The following EPOR variants were observed in gnomAD, a reference collection of about 807,000 sequenced individuals.
EPOR encodes the protein erythropoietin receptor.
A neutral mutation model predicts 34.3 loss-of-function variants in EPOR; 20 were observed. The ratio of observed to expected loss-of-function variants is 0.58; its 90% CI spans 0.41 to 0.85. EPOR has a LOEUF of 0.85. EPOR is among the 40% of genes least tolerant of loss of function. The pLI, the probability that EPOR is intolerant of heterozygous loss-of-function variation, is 0.00. For missense variants in EPOR, 601 were observed against 672.7 expected, an observed-to-expected ratio of 0.89 and a Z score of 1.18; for synonymous variants, 312 against 299.0, an observed-to-expected ratio of 1.04 and a Z score of -0.45.
At position 11,378,415 on chromosome 19, in the gene EPOR, C is replaced by A. The variant is rs771507239; in HGVS notation, c.1096G>T (p.Asp366Tyr). 3.1e-6 allele frequency: 5 copies of A among 1,614,028 alleles called. No individual in the cohort carries two copies. Among genetic ancestry groups the A allele is most frequent in the Admixed American group, 3.3e-5 (2 of 60,014 alleles). ...LEPVGSEHAQ[D>Y]TYLVLDKWLL... The stretch of plus-strand genomic sequence containing the variant: ...CATTTGTCCAGCACCAGATAGGTAT[C>A]CTGGGCATGCTCACTGCCCACTGGC... The change falls in exon 8 of 8, where the codon GAT (aspartate) becomes TAT (tyrosine). Residue 366 changes from aspartate (D) to tyrosine (Y), a missense_variant. Physicochemically the swap from Asp to Tyr is radical, Grantham distance 160. Transcript: ENST00000222139. The surrounding 1 kb of genome is among the most constrained non-coding windows in gnomAD (Gnocchi z 5.3).
At position 11,381,619 on chromosome 19, in the gene EPOR, C is replaced by A. The variant is rs1054916047; in HGVS notation, c.585+73G>T. The A allele has an allele frequency of 4.0e-6, 6 of 1,496,230 alleles. No individual in the cohort carries two copies. In the African/African-American group the frequency reaches 8.3e-5, roughly 21 times the overall value. The allele number at this position is 1,496,230 out of a possible 1,614,324, so 92.7% of individuals were successfully genotyped here. On this transcript the variant is annotated intron_variant, in intron 4 of 7. Transcript: ENST00000222139. This position sits in a 1 kb window ranked among gnomAD's most constrained non-coding sequence, Gnocchi z 5.3. The stretch of plus-strand genomic sequence containing the variant: ...GACCGGCCCTGAAAGCGGCACCGGG[C>A]GCGACCTCGAGAGGCGTGGCTGGGC...
chr19:11,382,397 C>T (rs1183781285), intron 2 of EPOR, among the ~76,000 whole-genome samples: 3 of 142,488 alleles, frequency 2.1e-5, no homozygotes, highest in Non-Finnish European at 4.5e-5. Flanking sequence ...GAGTTTCGCT[C>T]TTGTTGCCCA....
Position 11,377,592 on chromosome 19 carries a change from C to A in EPOR, c.*392G>T. The A allele has an allele frequency of 2.2e-6, 1 of 458,952 alleles. No individual in the cohort carries two copies. The highest frequency in any genetic ancestry group is 2.3e-5 in the Admixed American group (1 of 42,704). The allele number at this position is 458,952 out of a possible 1,614,324, so 28.4% of individuals were successfully genotyped here. On this transcript the variant is annotated 3_prime_UTR_variant, in exon 8 of 8. Transcript: ENST00000222139. ...AGAGAAATCATTTAATGTGGTAAGCCAGTAAGATTTAAGAGCTGTTTAACA... is the reference window on the plus strand; with the variant it reads ...AGAGAAATCATTTAATGTGGTAAGCAAGTAAGATTTAAGAGCTGTTTAACA...
Position 11,381,138 on chromosome 19 carries a change from G to A in EPOR, c.657C>T (p.Ala219=), listed in dbSNP as rs61729384. 1 of 1,567,170 alleles carries A rather than the reference G, an allele frequency of 6.4e-7. No individual in the cohort carries two copies. The change falls in exon 5 of 8, where the codon GCC becomes GCT. Residue 219 remains alanine, a synonymous_variant. Transcript: ENST00000222139. This position sits in a 1 kb window ranked among gnomAD's most constrained non-coding sequence, Gnocchi z 5.3. ...NLRGRTRYTF[A]VRARMAEPSF... ...TCGGCTCAGCCATACGCGCGCGGAC[G>A]GCGAAGGTGTAGCGCGTCCGGCCCC...
chr19:11,383,555 G>C lies in EPOR; in HGVS notation c.116-323C>G, dbSNP rs1968394861. The C allele has an allele frequency of 6.5e-6, 2 of 305,990 alleles. No individual in the cohort carries two copies. Among genetic ancestry groups the C allele is most frequent in the Non-Finnish European group, 6.1e-6 (1 of 162,956 alleles). The allele number at this position is 305,990 out of a possible 1,614,324, so 19.0% of individuals were successfully genotyped here. ...CCCAGCCTAGGACACGCGCGCGGCT[G>C]GGGGTGTGTGCGGAGAGGCGGGCCC... On this transcript the variant is annotated intron_variant, in intron 1 of 7. Coordinates refer to ENST00000222139, the MANE Select transcript of EPOR (RefSeq NM_000121.4). This position sits in a 1 kb window ranked among gnomAD's most constrained non-coding sequence, Gnocchi z 4.9.
At chr19:11,380,237 G>T (rs1968337613) in intron 6 of EPOR, among the ~76,000 whole-genome samples, 1 of 152,114 alleles carries the variant, frequency 6.6e-6, no homozygotes, top group African/African-American at 2.4e-5. Context: ...AATATTTCTT[G>T]GGTCCCTTGT....
At chr19:11,382,955 C>T in intron 2 of EPOR, 142 bp downstream of exon 2, 1 of 1,564,974 alleles carries the variant, frequency 6.4e-7, no homozygotes, top group Non-Finnish European at 8.6e-7. Flanking sequence ...CAGCCCTGGA[C>T]CCGCAGGTTT....
intron 6 of EPOR, 48 bp downstream of exon 6, chr19:11,380,836 C>G: frequency 7.0e-7 from 1 of 1,427,508 alleles, no homozygotes; most frequent in East Asian, 2.5e-5. Flanking sequence ...TGAAAGAGGA[C>G]CGTTGGCGGG....
intron 2 of EPOR, 186 bp downstream of exon 2, chr19:11,382,911 G>A (rs1238063050): frequency 4.6e-6 from 7 of 1,532,878 alleles, no homozygotes; most frequent in East Asian, 4.9e-5. Context: ...GGTGATCGCG[G>A]GAGTGTTCGC....
At position 11,384,161 on chromosome 19, in the gene EPOR, C is replaced by A. The variant is rs1968403432; in HGVS notation, c.47G>T (p.Cys16Phe). ...ASLWPQVGSL[C>F]LLLAGAAWAP... ...CCAGGCGGCCCCAGCGAGCAGGAGA[C>A]AAAGGGAGCCGACCTGGGGCCAGAG... Residue 16 changes from cysteine (C) to phenylalanine (F), a missense_variant, in exon 1 of 8, where the codon TGT becomes TTT. Cys to Phe is a radical substitution (Grantham distance 205). Transcript: ENST00000222139. The A allele has an allele frequency of 1.3e-6, 2 of 1,549,894 alleles. No individual in the cohort carries two copies. The highest frequency in any genetic ancestry group is 3.9e-5 in the Admixed American group (2 of 50,968).
rs761066937 is a variant in EPOR, at chr19:11,377,967, A to T, written c.*17T>A. 1 of 1,613,838 alleles carries T rather than the reference A, an allele frequency of 6.2e-7. No homozygotes were observed. Among genetic ancestry groups the T allele is most frequent in the Non-Finnish European group, 8.5e-7 (1 of 1,179,996 alleles). ...TCTGAGTCATATTGGATCCCTGATCATCTGCAGCCTGGTGTCCTAAGAGCA... is the reference window on the plus strand; with the variant it reads ...TCTGAGTCATATTGGATCCCTGATCTTCTGCAGCCTGGTGTCCTAAGAGCA... On this transcript the variant is annotated 3_prime_UTR_variant, in exon 8 of 8. Transcript: ENST00000222139.
chr19:11,380,845 G>T, intron 6 of EPOR, 39 bp downstream of exon 6: 1 of 1,477,480 alleles, frequency 6.8e-7, no homozygotes, highest in South Asian at 1.2e-5. Context: ...ACCGTTGGCG[G>T]GGAGGAGTCT....
Position 11,378,610 on chromosome 19 carries a change from C to A in EPOR, c.916-15G>T. On this transcript the variant is annotated splice_polypyrimidine_tract_variant and intron_variant, in intron 7 of 7. Coordinates refer to ENST00000222139, the MANE Select transcript of EPOR (RefSeq NM_000121.4). This position sits in a 1 kb window ranked among gnomAD's most constrained non-coding sequence, Gnocchi z 5.3. The stretch of plus-strand genomic sequence containing the variant: ...TACAGCCACAGCTGAAGAAATAGCA[C>A]CAACCTGCTCAGAGAGGCCTGCAGT... The A allele has an allele frequency of 6.2e-7, 1 of 1,614,188 alleles. No individual in the cohort carries two copies. The highest frequency in any genetic ancestry group is 8.5e-7 in the Non-Finnish European group (1 of 1,180,032).
Position 11,383,264 on chromosome 19 carries a change from G to A in EPOR, c.116-32C>T, listed in dbSNP as rs1191931452. The A allele has an allele frequency of 6.4e-7, 1 of 1,559,224 alleles. No individual in the cohort carries two copies. The highest frequency in any genetic ancestry group is 8.6e-7 in the Non-Finnish European group (1 of 1,156,548). On this transcript the variant is annotated intron_variant, in intron 1 of 7. Transcript: ENST00000222139. This position sits in a 1 kb window ranked among gnomAD's most constrained non-coding sequence, Gnocchi z 4.9. ...AGGGGCGACAAAGGAAGGGCATGGG[G>A]GTCTGAGCTCTATCCTCGGGAGACA... is the stretch of plus-strand genomic sequence containing the variant.
At chr19:11,382,996 C>T (rs759896829) in intron 2 of EPOR, 101 bp downstream of exon 2, 39 of 1,599,470 alleles carry the variant, frequency 2.4e-5, no homozygotes, top group Non-Finnish European at 3.2e-5. Context: ...GAGGCGCCGT[C>T]GGGCCTCAAA....
rs370865377 is a variant in EPOR, at chr19:11,383,104, G to A, written c.244C>T (p.Gln82Ter). Reference protein sequence around the residue: ...VGPGNYSFSYQLEDEPWKLCR... With the variant: ...VGPGNYSFSY ...CCGCCGGATCGGACTCACTCGAGCT[G>A]GTAGGAGAAGCTGTAGTTGCCCGGG... is the stretch of plus-strand genomic sequence containing the variant. The change falls in exon 2 of 8, where the codon CAG becomes TAG. Residue 82 changes from glutamine (Q) to a stop codon, truncating the protein, a stop_gained. Transcript: ENST00000222139. LOFTEE classifies it high-confidence loss of function. This position sits in a 1 kb window ranked among gnomAD's most constrained non-coding sequence, Gnocchi z 4.9. 126 of 1,613,558 alleles carry A rather than the reference G, an allele frequency of 7.8e-5. No individual in the cohort carries two copies. Among genetic ancestry groups the A allele is most frequent in the Non-Finnish European group, 1.0e-4 (119 of 1,179,960 alleles).
In EPOR at chr19:11,380,916, C is replaced by T. The variant is rs1347324546; in HGVS notation, c.795G>A (p.Leu265=). 6.4e-7 allele frequency: 1 copy of T among 1,551,872 alleles called. No homozygotes were observed. Among genetic ancestry groups the T allele is most frequent in the Non-Finnish European group, 8.7e-7 (1 of 1,147,050 alleles). The change falls in exon 6 of 8, where the codon CTG becomes CTA. Residue 265 remains leucine (L), a synonymous_variant. Coordinates refer to ENST00000222139, the MANE Select transcript of EPOR (RefSeq NM_000121.4). ...GGGAGAGCAGCGCGAGCACGGTCAG[C>T]AGCACCAGGATGACCACGAGGATGA... ...LSLILVVILV[L]LTVLALLSHR...
In EPOR at chr19:11,378,470, C is replaced by A. The variant is rs138884102; in HGVS notation, c.1041G>T (p.Pro347=). ...RCWGTMQAVE[P]GTDDEGPLLE... ...GCAGGGGGCCCTCATCATCTGTCCC[C>A]GGCTCCACTGCCTGCATCGTCCCCC... The change falls in exon 8 of 8, where the codon CCG becomes CCT. Residue 347 remains proline (P), a synonymous_variant. Transcript: ENST00000222139. The surrounding 1 kb of genome is among the most constrained non-coding windows in gnomAD (Gnocchi z 5.3). The A allele has an allele frequency of 6.2e-7, 1 of 1,614,192 alleles. No individual in the cohort carries two copies. Among genetic ancestry groups the A allele is most frequent in the Non-Finnish European group, 8.5e-7 (1 of 1,180,030 alleles).
Position 11,382,026 on chromosome 19 carries a change from T to C in EPOR, c.331A>G (p.Thr111Ala). ...GGCACGAAGCTCGACGTGTCGGCTGTAGGCAGCGAACACCAGAAGCGCACC... is the reference window on the plus strand; with the variant it reads ...GGCACGAAGCTCGACGTGTCGGCTGCAGGCAGCGAACACCAGAAGCGCACC... ...GAVRFWCSLP[T>A]ADTSSFVPLE... The change falls in exon 3 of 8, where the codon ACA becomes GCA. Residue 111 changes from threonine (T) to alanine (A), a missense_variant. Coordinates refer to ENST00000222139, the MANE Select transcript of EPOR (RefSeq NM_000121.4). 2 of 1,614,130 alleles carry C rather than the reference T, an allele frequency of 1.2e-6. No homozygotes were observed. Among genetic ancestry groups the C allele is most frequent in the Non-Finnish European group, 1.7e-6 (2 of 1,179,990 alleles).
Sources: allele counts gnomAD v4.1 joint callset (sites outside exome capture counted in the v4.1 genomes callset), GRCh38; gene constraint gnomAD v4.1.1; non-coding constraint Gnocchi (gnomAD v3.1); transcripts MANE v1.5; gene names NCBI Gene and HGNC (gene_info 2026-07-23, HGNC 2026-07-21).